NEDD4L: variants seen among roughly 807,000 people sequenced by gnomAD.
NEDD4L encodes the protein E3 ubiquitin-protein ligase NEDD4-like.
NEDD4L carries 54 observed loss-of-function variants against 148.9 expected under a neutral mutation model. The observed-to-expected ratio is 0.36, with a 90% CI of 0.29 to 0.45. The LOEUF (loss-of-function observed/expected upper bound fraction) is 0.45, where lower values mean the gene tolerates loss of function less well. Ranked by LOEUF, NEDD4L falls within the 20% of genes least tolerant of loss-of-function variation. The pLI is 1.00. For missense variants in NEDD4L, 856 were observed against 1,233.8 expected (o/e 0.69, Z 4.59); for synonymous variants, 433 against 440.7 (o/e 0.98, Z 0.22).
At chr18:58,392,256 T>G (rs184430247) in intron 30 of NEDD4L, among the ~76,000 whole-genome samples, 256 of 152,368 alleles carry the variant, frequency 1.7e-3, no homozygotes, top group African/African-American at 6.0e-3. Context: ...TTGGTTTTTC[T>G]GCAAAGGCCT....
chr18:58,066,387 GTTTTTTTTT>G (rs368243667), intron 1 of NEDD4L, among the ~76,000 whole-genome samples: 80 of 112,130 alleles, frequency 7.1e-4, no homozygotes, highest in African/African-American at 2.3e-3. Context: ...CTCTGTATTA[GTTTTTTTTT>G]TTTTTTTTTT....
chr18:58,294,265 G>A (rs1299898014), intron 5 of NEDD4L, among the ~76,000 whole-genome samples: 5 of 152,132 alleles, frequency 3.3e-5, no homozygotes, highest in Admixed American at 1.3e-4. Context: ...GAAGGTTTTC[G>A]CACTTGATGG....
chr18:58,177,546 G>A (rs1006922663), intron 2 of NEDD4L, among the ~76,000 whole-genome samples: 1 of 152,164 alleles, frequency 6.6e-6, no homozygotes, highest in African/African-American at 2.4e-5. Context: ...TCTCCCCATT[G>A]TAGACAGGAC....
intron 1 of NEDD4L, among the ~76,000 whole-genome samples, chr18:58,077,572 C>T (rs908912734): frequency 1.3e-5 from 2 of 151,990 alleles, no homozygotes; most frequent in African/African-American, 4.8e-5. Context: ...GGATTTTTTT[C>T]AAGATTAAAT....
At chr18:58,164,704 C>T (rs1430930551) in intron 1 of NEDD4L, among the ~76,000 whole-genome samples, 1 of 152,166 alleles carries the variant, frequency 6.6e-6, no homozygotes, top group Non-Finnish European at 1.5e-5. Context: ...CTCCTGTCCT[C>T]GTGATCCGCC....
rs1030467626 is a variant in NEDD4L, at chr18:58,044,574, G to A, written c.-87G>A. On this transcript the variant is annotated 5_prime_UTR_variant, in exon 1 of 31. Coordinates refer to ENST00000400345, the MANE Select transcript of NEDD4L (RefSeq NM_001144967.3). ...GCAGGGTAGGGTGCGGGACCGGGGG[G>A]ACCTGGAGGCAGAGGGGAGAACCGG... The A allele has an allele frequency of 2.8e-6, 4 of 1,439,004 alleles. No homozygotes were observed. Among genetic ancestry groups the A allele is most frequent in the Non-Finnish European group, 3.7e-6 (4 of 1,092,656 alleles). 89.1% of individuals were successfully genotyped at this position (1,439,004 alleles called of 1,614,324 possible). A position where few individuals can be genotyped will look rare whatever the true frequency, so the allele number is the denominator to read the frequency against.
At chr18:58,094,351 A>AT (rs963700943) in intron 1 of NEDD4L, among the ~76,000 whole-genome samples, 10 of 151,508 alleles carry the variant, frequency 6.6e-5, no homozygotes, top group Middle Eastern at 3.4e-3. Context: ...CGCCTGGCTA[A>AT]TTTTTTGTAT....
At chr18:58,293,751 AG>A (rs2055121574) in intron 5 of NEDD4L, among the ~76,000 whole-genome samples, 1 of 152,072 alleles carries the variant, frequency 6.6e-6, no homozygotes, top group Admixed American at 6.5e-5. Context: ...ATTTTTTTTG[AG>A]GTAAGGTCTT....
intron 4 of NEDD4L, among the ~76,000 whole-genome samples, chr18:58,251,068 C>A (rs1372952160): frequency 6.6e-6 from 1 of 152,186 alleles, no homozygotes; most frequent in African/African-American, 2.4e-5. Context: ...GTCCTGGTTG[C>A]CCTACACATT....
chr18:58,173,682 C>T (rs1363075421), intron 2 of NEDD4L, among the ~76,000 whole-genome samples: 2 of 152,160 alleles, frequency 1.3e-5, no homozygotes, highest in East Asian at 1.9e-4. Flanking sequence ...TTACAGACAT[C>T]ATGACGTTTA....
At chr18:58,386,676 A>T (rs996362801) in intron 26 of NEDD4L, among the ~76,000 whole-genome samples, 1 of 152,244 alleles carries the variant, frequency 6.6e-6, no homozygotes, top group African/African-American at 2.4e-5. Flanking sequence ...CACAGGAAAC[A>T]GCCTCGTGTC....
intron 2 of NEDD4L, among the ~76,000 whole-genome samples, chr18:58,234,102 T>TTTCTTTCTTTCTTTC (rs1158163084): frequency 1.5e-3 from 116 of 76,950 alleles, no homozygotes; most frequent in East Asian, 3.7e-3. Flanking sequence ...TCTTTCTTTC[T>TTTCTTTCTTTCTTTC]TTTCTTTTCT....
chr18:58,289,559 G>A (rs1333481252), intron 5 of NEDD4L, among the ~76,000 whole-genome samples: 2 of 152,200 alleles, frequency 1.3e-5, no homozygotes, highest in Admixed American at 6.5e-5. Flanking sequence ...CAGCAAGCAT[G>A]CCTCTCGAGG....
chr18:58,126,025 C>T (rs199841099), intron 1 of NEDD4L, among the ~76,000 whole-genome samples: 3 of 152,202 alleles, frequency 2.0e-5, no homozygotes, highest in African/African-American at 7.2e-5. Flanking sequence ...TTGGTCAGAA[C>T]GCCCTTCGCC....
chr18:58,364,458 C>T, intron 20 of NEDD4L, 125 bp downstream of exon 20: 2 of 617,318 alleles, frequency 3.2e-6, no homozygotes, highest in Non-Finnish European at 2.8e-6. Context: ...TTCCTTTTCT[C>T]TCTGCACTTT....
intron 2 of NEDD4L, among the ~76,000 whole-genome samples, chr18:58,230,101 C>G (rs2044947987): frequency 6.6e-6 from 1 of 152,058 alleles, no homozygotes; most frequent in Admixed American, 6.5e-5. Context: ...CAACTGGAAA[C>G]AAAAATTATA....
At position 58,330,861 on chromosome 18, in the gene NEDD4L, A is replaced by G; in HGVS notation, c.937A>G (p.Arg313Gly). The G allele has an allele frequency of 6.2e-7, 1 of 1,614,034 alleles. No homozygotes were observed. Among genetic ancestry groups the G allele is most frequent in the Non-Finnish European group, 8.5e-7 (1 of 1,179,888 alleles). The change falls in exon 11 of 31, where the codon AGA (arginine) becomes GGA (glycine). Residue 313 changes from arginine to glycine, a missense_variant. Transcript: ENST00000400345. ...TCAGGAGCTGTCAGAGGAACTAAGC[A>G]GAAGGCTTCAGATCACTCCAGACTC... ...SPQELSEELS[R>G]RLQITPDSNG...
intron 2 of NEDD4L, among the ~76,000 whole-genome samples, chr18:58,222,774 G>A (rs1007289500): frequency 6.6e-6 from 1 of 152,150 alleles, no homozygotes; most frequent in Non-Finnish European, 1.5e-5. Flanking sequence ...AAATATCAAA[G>A]CCTACAGTCA....
At chr18:58,183,457 G>C (rs1354032701) in intron 2 of NEDD4L, among the ~76,000 whole-genome samples, 1 of 152,214 alleles carries the variant, frequency 6.6e-6, no homozygotes, top group Non-Finnish European at 1.5e-5. Flanking sequence ...GGTTCTTAAA[G>C]TGTTTCTTGA....
Sources: allele counts gnomAD v4.1 joint callset (sites outside exome capture counted in the v4.1 genomes callset), GRCh38; gene constraint gnomAD v4.1.1; transcripts MANE v1.5; gene names NCBI Gene and HGNC (gene_info 2026-07-23, HGNC 2026-07-21).